The following DCC variants were observed in gnomAD, a reference collection of about 807,000 sequenced individuals.
DCC encodes the protein DCC netrin 1 receptor, also known as netrin receptor DCC.
DCC carries 58 observed loss-of-function variants against 172.5 expected under a neutral mutation model. That is an observed-to-expected ratio of 0.34 (90% CI 0.27 to 0.42). The LOEUF is 0.42. Among genes scored for constraint, DCC ranks in the 10% least tolerant of loss-of-function variants. The probability of loss-of-function intolerance (pLI) is 1.00; values close to 1 mark genes in which losing one functional copy is unlikely to be tolerated. For missense variants in DCC, 1,740 were observed against 1,791.0 expected (o/e 0.97, Z 0.51); for synonymous variants, 709 against 644.5 (o/e 1.10, Z -1.52).
intron 2 of DCC, among the ~76,000 whole-genome samples, chr18:52,827,541 C>A (rs1243255131): frequency 6.6e-6 from 1 of 152,190 alleles, no homozygotes; most frequent in Non-Finnish European, 1.5e-5. Context: ...AGCACATGCT[C>A]TTTTCAGTAG....
intron 19 of DCC, among the ~76,000 whole-genome samples, chr18:53,405,788 T>C (rs888031125): frequency 6.6e-6 from 1 of 152,238 alleles, no homozygotes; most frequent in African/African-American, 2.4e-5. Flanking sequence ...AATGATTACA[T>C]ATTCCTATTA....
At chr18:52,562,391 A>G (rs2033059759) in intron 1 of DCC, among the ~76,000 whole-genome samples, 1 of 152,170 alleles carries the variant, frequency 6.6e-6, no homozygotes, top group Non-Finnish European at 1.5e-5. Flanking sequence ...ATCAACATTC[A>G]TGGGTCCCAG....
At chr18:53,426,585 C>G (rs570365079) in intron 21 of DCC, among the ~76,000 whole-genome samples, 1 of 151,246 alleles carries the variant, frequency 6.6e-6, no homozygotes, top group Non-Finnish European at 1.5e-5. Context: ...CTCTGAGAAA[C>G]CTTTTGCTAG....
At chr18:52,813,895 C>A (rs1375442198) in intron 2 of DCC, among the ~76,000 whole-genome samples, 1 of 152,186 alleles carries the variant, frequency 6.6e-6, no homozygotes, top group African/African-American at 2.4e-5. Context: ...AGGCTGCTAG[C>A]TTTCAAATTG....
chr18:52,706,593 C>G (rs924387433), intron 1 of DCC, among the ~76,000 whole-genome samples: 2 of 152,214 alleles, frequency 1.3e-5, no homozygotes, highest in Non-Finnish European at 1.5e-5. Flanking sequence ...CATTTGTTAC[C>G]AAGAACAATT....
chr18:52,517,254 T>C (rs1376462761), intron 1 of DCC, among the ~76,000 whole-genome samples: 1 of 152,222 alleles, frequency 6.6e-6, no homozygotes, highest in Non-Finnish European at 1.5e-5. Flanking sequence ...TCCAACATTT[T>C]CATCTTGAAC....
chr18:52,992,984 T>TAAA (rs5824983), intron 5 of DCC, among the ~76,000 whole-genome samples: 2 of 131,116 alleles, frequency 1.5e-5, no homozygotes, highest in Non-Finnish European at 1.6e-5. Flanking sequence ...GTCTCAAATT[T>TAAA]AAAAAAAAAA....
intron 13 of DCC, among the ~76,000 whole-genome samples, chr18:53,319,308 A>T (rs2057380054): frequency 6.6e-6 from 1 of 152,212 alleles, no homozygotes. Context: ...ATTAAAATAT[A>T]CAGACTGGCA....
intron 9 of DCC, among the ~76,000 whole-genome samples, chr18:53,194,586 C>A (rs2055416352): frequency 6.6e-6 from 1 of 152,112 alleles, no homozygotes; most frequent in Non-Finnish European, 1.5e-5. Context: ...TCTCCTGCCT[C>A]AGCCTCCCAA....
intron 7 of DCC, among the ~76,000 whole-genome samples, chr18:53,099,939 C>CTTTTTTT (rs200213348): frequency 0.016 from 1,348 of 86,876 alleles, 107 homozygotes; most frequent in Non-Finnish European, 0.018. Context: ...TCTTTTCTTT[C>CTTTTTTT]TTTCTTTTTT....
At chr18:53,506,418 A>C (rs562737583) in intron 27 of DCC, among the ~76,000 whole-genome samples, 1 of 152,346 alleles carries the variant, frequency 6.6e-6, no homozygotes, top group East Asian at 1.9e-4. Context: ...AACTATAAAT[A>C]GCATCTTATG....
intron 1 of DCC, among the ~76,000 whole-genome samples, chr18:52,589,277 CT>C (rs1238770364): frequency 6.6e-6 from 1 of 152,124 alleles, no homozygotes; most frequent in African/African-American, 2.4e-5. Flanking sequence ...TCTACAGATA[CT>C]TTTTATTTGA....
intron 1 of DCC, among the ~76,000 whole-genome samples, chr18:52,416,259 C>A (rs934505003): frequency 5.9e-5 from 9 of 151,962 alleles, no homozygotes; most frequent in East Asian, 1.9e-4. Context: ...ATTTTCTGTT[C>A]TTTTACATTT....
At chr18:52,784,709 T>G (rs954727939) in intron 2 of DCC, among the ~76,000 whole-genome samples, 4 of 152,058 alleles carry the variant, frequency 2.6e-5, no homozygotes, top group South Asian at 2.1e-4. Flanking sequence ...TTTGTATGTC[T>G]TCTTTTGAGA....
intron 15 of DCC, among the ~76,000 whole-genome samples, chr18:53,351,320 G>GTATATATATATATA (rs201328758): frequency 6.7e-5 from 2 of 29,632 alleles, no homozygotes; most frequent in African/African-American, 2.3e-4. Context: ...TATATACACT[G>GTATATATATATATA]TATATATATA....
At chr18:53,355,125 T>C (rs531210849) in intron 15 of DCC, among the ~76,000 whole-genome samples, 1 of 152,304 alleles carries the variant, frequency 6.6e-6, no homozygotes, top group African/African-American at 2.4e-5. Flanking sequence ...TTCTGTTCCA[T>C]TGATCTATAT....
At chr18:52,971,344 A>T (rs1380779251) in intron 5 of DCC, among the ~76,000 whole-genome samples, 1 of 152,092 alleles carries the variant, frequency 6.6e-6, no homozygotes, top group African/African-American at 2.4e-5. Flanking sequence ...CACCATTGGG[A>T]TTGTGGCCTG....
rs180980147 is a variant in DCC at position 53,233,484 on chromosome 18, G to A, written c.1911+17887G>A. On this transcript the variant is annotated intron_variant, in intron 12 of 28. Transcript: ENST00000442544. ...GAATATTTGAAGCCGATTTTTTTAG[G>A]TAATTATTCCAGGTTTCCTTTTCAT... Among the ~76,000 whole-genome samples, 5 of 151,994 alleles carry A rather than the reference G, an allele frequency of 3.3e-5. No individual in the cohort carries two copies. In the East Asian group the frequency reaches 9.7e-4, roughly 29 times the overall value.
chr18:52,906,116 A>G lies in DCC; in HGVS notation c.485A>G (p.Glu162Gly). The G allele has an allele frequency of 1.2e-6, 2 of 1,613,858 alleles. No individual in the cohort carries two copies. Among genetic ancestry groups the G allele is most frequent in the Non-Finnish European group, 1.7e-6 (2 of 1,179,740 alleles). ...GGAGACACAGTGCTACTCAAGTGTG[A>G]AGTCATTGGGGAGCCCATGCCAACA... is the stretch of plus-strand genomic sequence containing the variant. ...FMGDTVLLKC[E>G]VIGEPMPTIH... The change falls in exon 3 of 29, where the codon GAA (glutamate) becomes GGA (glycine). Residue 162 changes from glutamate to glycine, a missense_variant. Transcript: ENST00000442544.
Sources: allele counts gnomAD v4.1 joint callset (sites outside exome capture counted in the v4.1 genomes callset), GRCh38; gene constraint gnomAD v4.1.1; transcripts MANE v1.5; gene names NCBI Gene and HGNC (gene_info 2026-07-23, HGNC 2026-07-21).